ENOX1: variants seen among roughly 807,000 people sequenced by gnomAD.
ENOX1 encodes candidate growth-related and time keeping constitutive hydroquinone (NADH) oxidase.
ENOX1 carries 42 observed loss-of-function variants against 82.5 expected under a neutral mutation model. The ratio of observed to expected loss-of-function variants is 0.51; its 90% CI spans 0.40 to 0.66. The LOEUF (loss-of-function observed/expected upper bound fraction) is 0.66, where lower values mean the gene tolerates loss of function less well. ENOX1 is among the 30% of genes least tolerant of loss of function. ENOX1 has a pLI of 0.00. For missense variants in ENOX1, 608 were observed against 811.6 expected (o/e 0.75, Z 3.05); for synonymous variants, 271 against 282.2 (o/e 0.96, Z 0.40).
At chr13:43,720,705 T>G (rs920797306) in intron 1 of ENOX1, among the ~76,000 whole-genome samples, 1 of 152,162 alleles carries the variant, frequency 6.6e-6, no homozygotes, top group East Asian at 1.9e-4. Context: ...AGCAGAGGGG[T>G]ATGCACATGT....
chr13:43,236,488 A>G (rs1384394530), intron 15 of ENOX1, 148 bp downstream of exon 15: 1 of 495,490 alleles, frequency 2.0e-6, no homozygotes, highest in African/African-American at 2.0e-5. Flanking sequence ...ACTAATTTGA[A>G]ATGTATGTAA....
chr13:43,778,474 TC>T (rs1196058278), intron 1 of ENOX1, among the ~76,000 whole-genome samples: 1 of 152,094 alleles, frequency 6.6e-6, no homozygotes, highest in Admixed American at 6.6e-5. Context: ...TATCAAAGCA[TC>T]AGGGAAAACA....
chr13:43,734,018 T>C (rs1286273359), intron 1 of ENOX1, among the ~76,000 whole-genome samples: 1 of 152,072 alleles, frequency 6.6e-6, no homozygotes, highest in East Asian at 1.9e-4. Context: ...CAGAACACCT[T>C]GTGACAGTGG....
chr13:43,762,610 G>A (rs1222356989), intron 1 of ENOX1, among the ~76,000 whole-genome samples: 1 of 152,124 alleles, frequency 6.6e-6, no homozygotes, highest in Non-Finnish European at 1.5e-5. Flanking sequence ...TAAGCCAGTG[G>A]CATCCATTTT....
chr13:43,746,688 T>C (rs1289993440), intron 1 of ENOX1, among the ~76,000 whole-genome samples: 2 of 149,452 alleles, frequency 1.3e-5, no homozygotes, highest in Non-Finnish European at 1.5e-5. Flanking sequence ...AGAAAGTAAG[T>C]AGAAAAAAAA....
rs1408722581 is a variant in ENOX1, at chr13:43,248,048, T to G, written c.1612-11310A>C. On this transcript the variant is annotated intron_variant, in intron 14 of 16. Coordinates refer to ENST00000690772, the MANE Select transcript of ENOX1 (RefSeq NM_001347969.2). Reference sequence around the variant, plus strand: ...CTACAGGCGCCCGCCACTACGCCTGTCTAATTTTTTGTATTTTTAGTAGAG... The same window carrying G: ...CTACAGGCGCCCGCCACTACGCCTGGCTAATTTTTTGTATTTTTAGTAGAG... Among the ~76,000 whole-genome samples, 95 of 148,284 alleles carry G rather than the reference T, an allele frequency of 6.4e-4. 1 individual carries two copies. The highest frequency in any genetic ancestry group is 2.3e-3 in the African/African-American group (91 of 40,440).
intron 2 of ENOX1, among the ~76,000 whole-genome samples, chr13:43,594,770 G>A (rs956961152): frequency 8.5e-5 from 13 of 152,106 alleles, no homozygotes; most frequent in African/African-American, 2.7e-4. Flanking sequence ...CAAACCTCAC[G>A]ACCGAAGTTG....
chr13:43,611,124 T>G (rs187644246), intron 2 of ENOX1, among the ~76,000 whole-genome samples: 141 of 152,342 alleles, frequency 9.3e-4, no homozygotes, highest in Non-Finnish European at 1.7e-3. Context: ...GCTTGCAAAT[T>G]GCCTAAGTGT....
intron 1 of ENOX1, among the ~76,000 whole-genome samples, chr13:43,671,987 T>C (rs2085291600): frequency 1.3e-5 from 2 of 152,208 alleles, no homozygotes; most frequent in Admixed American, 6.5e-5. Flanking sequence ...GGAATCTACT[T>C]TGTATTCAAA....
intron 2 of ENOX1, among the ~76,000 whole-genome samples, chr13:43,509,825 T>A (rs1203587462): frequency 6.6e-6 from 1 of 151,884 alleles, no homozygotes. Context: ...GAAAGCTGGT[T>A]TGCTTTTCCT....
rs1952653833 is a variant in ENOX1 at position 43,786,687 on chromosome 13, T to TGCGCGGAGTGGGGCGCCGG, written c.-339_-321dup. On this transcript the variant is annotated 5_prime_UTR_variant, in exon 1 of 17. Coordinates refer to ENST00000690772, the MANE Select transcript of ENOX1 (RefSeq NM_001347969.2). The surrounding 1 kb of genome is among the most constrained non-coding windows in gnomAD (Gnocchi z 6.0). Reference sequence around the variant, plus strand: ...CGTATGGGGAGCGGAGGCAACCCGCTGCGCGGAGTGGGGCGCCGGGCGCGG... The same window carrying TGCGCGGAGTGGGGCGCCGG: ...CGTATGGGGAGCGGAGGCAACCCGCTGCGCGGAGTGGGGCGCCGGGCGCGGAGTGGGGCGCCGGGCGCGG... 1 of 151,650 alleles carries TGCGCGGAGTGGGGCGCCGG rather than the reference T, an allele frequency of 6.6e-6. No homozygotes were observed. The highest frequency in any genetic ancestry group is 6.6e-5 in the Admixed American group (1 of 15,234). 9.4% of individuals were successfully genotyped at this position (151,650 alleles called of 1,614,324 possible).
intron 2 of ENOX1, among the ~76,000 whole-genome samples, chr13:43,628,471 G>C (rs973609383): frequency 2.0e-5 from 3 of 151,918 alleles, no homozygotes; most frequent in Admixed American, 6.6e-5. Flanking sequence ...ATATTTCCTT[G>C]GTGAGACTTT....
intron 9 of ENOX1, among the ~76,000 whole-genome samples, chr13:43,343,370 GGTCTGGTATCA>G (rs2049178325): frequency 6.6e-6 from 1 of 152,134 alleles, no homozygotes; most frequent in African/African-American, 2.4e-5. Context: ...TAGGTAATGT[GGTCTGGTATCA>G]GTCTGTGTGA....
At chr13:43,493,760 C>A (rs1397336775) in intron 2 of ENOX1, among the ~76,000 whole-genome samples, 1 of 152,184 alleles carries the variant, frequency 6.6e-6, no homozygotes, top group Non-Finnish European at 1.5e-5. Context: ...AAGCTCAGTG[C>A]CTACTGAAGC....
Position 43,786,236 on chromosome 13 carries a change from T to C in ENOX1, c.-285+416A>G, listed in dbSNP as rs944685048. On this transcript the variant is annotated intron_variant, in intron 1 of 16. Transcript: ENST00000690772. The surrounding 1 kb of genome is among the most constrained non-coding windows in gnomAD (Gnocchi z 6.0). ...AGAAGAGGGCAGCGGGAACACTGTG[T>C]GGGCAGGAACGGGTCCCGGGGGCGA... Among the ~76,000 whole-genome samples, 10 of 151,710 alleles carry C rather than the reference T, an allele frequency of 6.6e-5. No individual in the cohort carries two copies. The highest frequency in any genetic ancestry group is 1.5e-5 in the Non-Finnish European group (1 of 67,906).
intron 1 of ENOX1, among the ~76,000 whole-genome samples, chr13:43,747,043 T>C (rs917544552): frequency 2.6e-5 from 4 of 152,142 alleles, no homozygotes; most frequent in Non-Finnish European, 5.9e-5. Context: ...CCCTCCAGTT[T>C]AGCAAGCTGG....
chr13:43,214,705 AC>A (rs1224427503), intron 16 of ENOX1, among the ~76,000 whole-genome samples: 1 of 152,150 alleles, frequency 6.6e-6, no homozygotes, highest in African/African-American at 2.4e-5. Flanking sequence ...TTTTAATGCA[AC>A]TTTTTTCTTC....
intron 1 of ENOX1, among the ~76,000 whole-genome samples, chr13:43,683,129 A>G (rs1353282999): frequency 6.6e-6 from 1 of 152,164 alleles, no homozygotes; most frequent in African/African-American, 2.4e-5. Context: ...CAGACACTCT[A>G]CTGAGAAACT....
chr13:43,495,890 C>T (rs771716274), intron 2 of ENOX1, among the ~76,000 whole-genome samples: 12 of 151,944 alleles, frequency 7.9e-5, no homozygotes, highest in Non-Finnish European at 1.5e-4. Flanking sequence ...TGAAGTGGTA[C>T]TTAAATTTAC....
Sources: gnomAD v4.1 joint callset for allele counts (sites outside exome capture counted in the v4.1 genomes callset) on GRCh38, gnomAD v4.1.1 for gene constraint, Gnocchi (gnomAD v3.1) non-coding constraint, MANE v1.5 for transcripts, NCBI Gene and HGNC (gene_info 2026-07-23, HGNC 2026-07-21) for gene names.